Variants in GRIA1 observed in about 807,000 individuals in gnomAD.
GRIA1 encodes the protein glutamate receptor 1.
In GRIA1, 31 loss-of-function variants were observed where a neutral mutation model predicts 99.2. That is an observed-to-expected ratio of 0.31 (90% CI 0.23 to 0.42). The LOEUF (loss-of-function observed/expected upper bound fraction) is 0.42, where lower values mean the gene tolerates loss of function less well. Among genes scored for constraint, GRIA1 ranks in the 10% least tolerant of loss-of-function variants. GRIA1 has a pLI of 1.00. For missense variants in GRIA1, 782 were observed against 1,157.5 expected (o/e 0.68, Z 4.71); for synonymous variants, 438 against 432.4 (o/e 1.01, Z -0.16).
chr5:153,674,489 C>T lies in GRIA1; in HGVS notation c.700-11C>T, dbSNP rs1156882324. On this transcript the variant is annotated splice_polypyrimidine_tract_variant and intron_variant, in intron 5 of 15. Transcript: ENST00000285900. ...GCATGTTCTAACTTCTCCCTCCTCCCCCTCTCACAGGGCTTCATGGACATT... is the reference window on the plus strand; with the variant it reads ...GCATGTTCTAACTTCTCCCTCCTCCTCCTCTCACAGGGCTTCATGGACATT... 1.9e-6 allele frequency: 3 copies of T among 1,613,946 alleles called. No individual in the cohort carries two copies. The highest frequency in any genetic ancestry group is 2.2e-5 in the East Asian group (1 of 44,882).
intron 11 of GRIA1, among the ~76,000 whole-genome samples, chr5:153,728,025 C>G (rs1760702562): frequency 6.6e-6 from 1 of 151,118 alleles, no homozygotes; most frequent in African/African-American, 2.4e-5. Context: ...GTACTGGTAC[C>G]AAAACAGAGA....
chr5:153,702,013 A>G (rs1758568078), intron 10 of GRIA1, among the ~76,000 whole-genome samples: 1 of 152,162 alleles, frequency 6.6e-6, no homozygotes, highest in Non-Finnish European at 1.5e-5. Flanking sequence ...TACTGTTTAC[A>G]TTTTATAGAT....
chr5:153,533,345 C>G lies in GRIA1; in HGVS notation c.220+39280C>G, dbSNP rs554211996. On this transcript the variant is annotated intron_variant, in intron 2 of 15. Transcript: ENST00000285900. ...GCCAGCCTCGGTTCTTCGGCTAGCT[C>G]CTTCAACCCAAGTGTATCATCTAGG... Among the ~76,000 whole-genome samples the G allele has an allele frequency of 1.3e-4, 19 of 151,910 alleles. No individual in the cohort carries two copies. The South Asian group carries it at 4.0e-3, about 32-fold the overall frequency.
At chr5:153,663,702 G>A (rs1047136674) in intron 5 of GRIA1, among the ~76,000 whole-genome samples, 2 of 152,080 alleles carry the variant, frequency 1.3e-5, no homozygotes, top group Non-Finnish European at 2.9e-5. Flanking sequence ...TCTAGAATTG[G>A]CATAATGTTT....
chr5:153,622,988 T>C (rs1767206733), intron 2 of GRIA1, among the ~76,000 whole-genome samples: 1 of 152,106 alleles, frequency 6.6e-6, no homozygotes, highest in Admixed American at 6.6e-5. Context: ...GTGAGAGGAG[T>C]TGATCACTTT....
intron 2 of GRIA1, among the ~76,000 whole-genome samples, chr5:153,565,268 C>T (rs1330676305): frequency 6.6e-6 from 1 of 152,154 alleles, no homozygotes; most frequent in Non-Finnish European, 1.5e-5. Context: ...TCTAACATAT[C>T]TGTGAGACTT....
intron 2 of GRIA1, among the ~76,000 whole-genome samples, chr5:153,528,780 A>G (rs1757840061): frequency 6.6e-6 from 1 of 152,188 alleles, no homozygotes; most frequent in Non-Finnish European, 1.5e-5. Flanking sequence ...GCATTCTCCT[A>G]TATGCCTTCT....
At position 153,530,365 on chromosome 5, in the gene GRIA1, G is replaced by A. The variant is rs1203593495; in HGVS notation, c.220+36300G>A. 1.3e-4 allele frequency among the ~76,000 whole-genome samples: 20 copies of A among 152,300 alleles called. No homozygotes were observed. In the South Asian group the frequency reaches 2.9e-3, roughly 22 times the overall value. Reference sequence around the variant, plus strand: ...ATGGAAGATGATTTCTTTGCCATGCGACAGTTTGCTCTCCAAGCTTTAAGC... The same window carrying A: ...ATGGAAGATGATTTCTTTGCCATGCAACAGTTTGCTCTCCAAGCTTTAAGC... On this transcript the variant is annotated intron_variant, in intron 2 of 15. Transcript: ENST00000285900.
intron 11 of GRIA1, among the ~76,000 whole-genome samples, chr5:153,730,451 A>G (rs1760925073): frequency 6.6e-6 from 1 of 152,136 alleles, no homozygotes; most frequent in Non-Finnish European, 1.5e-5. Context: ...ACATAGGTAG[A>G]CATGAGAAAA....
intron 11 of GRIA1, among the ~76,000 whole-genome samples, chr5:153,748,146 T>C (rs1012709581): frequency 1.3e-5 from 2 of 152,146 alleles, no homozygotes; most frequent in Admixed American, 1.3e-4. Context: ...TATGTAATTA[T>C]ATAAAGATCA....
chr5:153,654,738 A>G (rs1754813947), intron 4 of GRIA1, among the ~76,000 whole-genome samples: 1 of 152,178 alleles, frequency 6.6e-6, no homozygotes, highest in South Asian at 2.1e-4. Flanking sequence ...AAGAAGCCCA[A>G]GTGCTTATCA....
intron 8 of GRIA1, among the ~76,000 whole-genome samples, chr5:153,697,227 A>G (rs146127759): frequency 1.2e-3 from 188 of 152,190 alleles, no homozygotes; most frequent in African/African-American, 4.5e-3. Flanking sequence ...AGGCCCACTC[A>G]CTTGTCACTT....
At chr5:153,742,753 T>G (rs1056657117) in intron 11 of GRIA1, among the ~76,000 whole-genome samples, 1 of 152,224 alleles carries the variant, frequency 6.6e-6, no homozygotes, top group Non-Finnish European at 1.5e-5. Flanking sequence ...GCTTTATATC[T>G]TTCCTATGTC....
At chr5:153,645,753 G>A (rs985704812) in intron 2 of GRIA1, among the ~76,000 whole-genome samples, 1 of 152,126 alleles carries the variant, frequency 6.6e-6, no homozygotes, top group Non-Finnish European at 1.5e-5. Flanking sequence ...CTGGAAACAG[G>A]TGATATGGTA....
intron 10 of GRIA1, 74 bp from the exon 11 acceptor site, chr5:153,705,623 A>G: frequency 1.4e-6 from 2 of 1,437,092 alleles, no homozygotes; most frequent in Non-Finnish European, 1.8e-6. Context: ...CAATGAGAAG[A>G]AAAACAAGAG....
intron 8 of GRIA1, among the ~76,000 whole-genome samples, chr5:153,688,310 G>A (rs901838638): frequency 2.4e-4 from 36 of 152,060 alleles, no homozygotes; most frequent in African/African-American, 8.2e-4. Context: ...CATGTTGATT[G>A]TACACAGACA....
chr5:153,660,171 T>C (rs761311091), intron 5 of GRIA1, among the ~76,000 whole-genome samples: 1 of 152,152 alleles, frequency 6.6e-6, no homozygotes, highest in African/African-American at 2.4e-5. Flanking sequence ...GATGTGGGCA[T>C]AAGAATAAGA....
intron 10 of GRIA1, among the ~76,000 whole-genome samples, chr5:153,699,328 T>C (rs1347701653): frequency 1.3e-5 from 2 of 152,246 alleles, no homozygotes; most frequent in Non-Finnish European, 2.9e-5. Context: ...GGTGACAGCA[T>C]AGCTCCAAGA....
intron 2 of GRIA1, among the ~76,000 whole-genome samples, chr5:153,599,103 CGATCTCCT>C (rs1764670479): frequency 6.6e-6 from 1 of 152,092 alleles, no homozygotes; most frequent in Non-Finnish European, 1.5e-5. Context: ...AGGATGGTCT[CGATCTCCT>C]GACCTCGTGA....
Sources: allele counts gnomAD v4.1 joint callset (sites outside exome capture counted in the v4.1 genomes callset), GRCh38; gene constraint gnomAD v4.1.1; transcripts MANE v1.5; gene names NCBI Gene and HGNC (gene_info 2026-07-23, HGNC 2026-07-21).